HEPHL1: variants seen among roughly 807,000 people sequenced by gnomAD.
The protein encoded by HEPHL1 is ferroxidase HEPHL1.
A neutral mutation model predicts 122.0 loss-of-function variants in HEPHL1; 123 were observed. The observed-to-expected ratio is 1.01, with a 90% CI of 0.87 to 1.17. The LOEUF is 1.17. Ranked by LOEUF, HEPHL1 falls within the 50% of genes most tolerant of loss-of-function variation. The pLI is 0.00. For synonymous variants in HEPHL1, 527 were observed against 508.9 expected, an observed-to-expected ratio of 1.04 and a Z score of -0.48; for missense variants, 1,452 against 1,430.5, an observed-to-expected ratio of 1.01 and a Z score of -0.24.
chr11:94,093,971 GATATATATAT>G (rs201036709), intron 13 of HEPHL1, among the ~76,000 whole-genome samples: 1,381 of 72,780 alleles, frequency 0.019, 81 homozygotes, highest in African/African-American at 0.063. Flanking sequence ...TCCTCCAGCA[GATATATATAT>G]ATATATATAT....
At position 94,103,020 on chromosome 11, in the gene HEPHL1, G is replaced by A. The variant is rs767432686; in HGVS notation, c.2682G>A (p.Lys894=). ...ACTATTCAACAGTAAACTTTGTGAA[G>A]GTAAGGTGGAGAAAGCAACCAAAAG... The part of the protein sequence containing the change: ...WVYYSTVNFV[K]DTYSGLMGPL... Residue 894 remains lysine (K), a splice_region_variant and synonymous_variant, in exon 15 of 20, where the codon AAG becomes AAA. Transcript: ENST00000315765. The A allele has an allele frequency of 7.7e-6, 12 of 1,558,436 alleles. No homozygotes were observed. The East Asian group carries it at 2.2e-4, about 29-fold the overall frequency.
rs755266084 is a variant in HEPHL1 at position 94,085,996 on chromosome 11, T to C, written c.1887T>C (p.Tyr629=). Residue 629 remains tyrosine (Y), a synonymous_variant, in exon 11 of 20, where the codon TAT becomes TAC. Coordinates refer to ENST00000315765, the MANE Select transcript of HEPHL1 (RefSeq NM_001098672.2). ...NRMHAVNGYM[Y]GNQPGLNMCK... The stretch of plus-strand genomic sequence containing the variant: ...ATTTAGCTGTTAACGGCTACATGTA[T>C]GGCAACCAGCCAGGCTTAAACATGT... The C allele has an allele frequency of 2.5e-6, 4 of 1,613,916 alleles. No homozygotes were observed. Among genetic ancestry groups the C allele is most frequent in the Non-Finnish European group, 3.4e-6 (4 of 1,179,818 alleles).
intron 2 of HEPHL1, among the ~76,000 whole-genome samples, chr11:94,050,040 A>G (rs962439782): frequency 1.3e-5 from 2 of 152,154 alleles, no homozygotes; most frequent in African/African-American, 4.8e-5. Flanking sequence ...TTTAGTTTTT[A>G]GTATACAAGA....
At position 94,067,583 on chromosome 11, in the gene HEPHL1, A is replaced by G; in HGVS notation, c.896A>G (p.Asn299Ser). The change falls in exon 5 of 20, where the codon AAT becomes AGT. Residue 299 changes from asparagine to serine, a missense_variant. Transcript: ENST00000315765. ...SVSWHLFGMG[N>S]EIDIHSIYFY... The stretch of plus-strand genomic sequence containing the variant: ...TCCTGGCACCTATTTGGAATGGGGA[A>G]TGAAATAGACATCCATTCTATCTAT... 1.2e-6 allele frequency: 2 copies of G among 1,613,672 alleles called. No homozygotes were observed. Among genetic ancestry groups the G allele is most frequent in the Non-Finnish European group, 1.7e-6 (2 of 1,179,604 alleles).
At position 94,080,965 on chromosome 11, in the gene HEPHL1, C is replaced by T. The variant is rs545765127; in HGVS notation, c.1717-1453C>T. The stretch of plus-strand genomic sequence containing the variant: ...GGCATATACCAAAAGGAATATAAAT[C>T]ATTCTATCACAAAGATACATGCATG... On this transcript the variant is annotated intron_variant, in intron 9 of 19. Coordinates refer to ENST00000315765, the MANE Select transcript of HEPHL1 (RefSeq NM_001098672.2). 8.5e-5 allele frequency among the ~76,000 whole-genome samples: 13 copies of T among 152,302 alleles called. No homozygotes were observed. The South Asian group carries it at 2.7e-3, about 32-fold the overall frequency.
chr11:94,036,154 T>G (rs2134407977), intron 1 of HEPHL1, among the ~76,000 whole-genome samples: 1 of 152,360 alleles, frequency 6.6e-6, no homozygotes, highest in East Asian at 1.9e-4. Context: ...CAGTCATACA[T>G]GAGTAGAAAC....
rs776700423 is a variant in HEPHL1, at chr11:94,070,493, C to A, written c.1183C>A (p.Pro395Thr). Residue 395 changes from proline to threonine, a missense_variant, in exon 6 of 20, where the codon CCT becomes ACT. Coordinates refer to ENST00000315765, the MANE Select transcript of HEPHL1 (RefSeq NM_001098672.2). ...TGAAAAAATTCTTTGGGATTATGCT[C>A]CTCAAGGCTATAACAAATTCAGTGG... ...AAEKILWDYA[P>T]QGYNKFSGLP... 3 of 1,611,260 alleles carry A rather than the reference C, an allele frequency of 1.9e-6. No homozygotes were observed. Among genetic ancestry groups the A allele is most frequent in the Non-Finnish European group, 2.5e-6 (3 of 1,178,622 alleles).
chr11:94,062,053 A>T (rs1163676910), intron 2 of HEPHL1, among the ~76,000 whole-genome samples: 1 of 152,172 alleles, frequency 6.6e-6, no homozygotes, highest in East Asian at 1.9e-4. Flanking sequence ...CTAATTATGT[A>T]GCATATAGGT....
chr11:94,104,983 C>A (rs531896897), intron 16 of HEPHL1, among the ~76,000 whole-genome samples: 1 of 152,242 alleles, frequency 6.6e-6, no homozygotes, highest in East Asian at 1.9e-4. Flanking sequence ...ATTTCTGAAT[C>A]CTGGGATCTC....
chr11:94,096,863 T>C (rs923173369), intron 13 of HEPHL1, among the ~76,000 whole-genome samples: 4 of 152,228 alleles, frequency 2.6e-5, no homozygotes, highest in African/African-American at 9.6e-5. Flanking sequence ...TCAGTGATGA[T>C]ATCCCCTTTA....
At chr11:94,061,649 G>A (rs747061267) in intron 2 of HEPHL1, among the ~76,000 whole-genome samples, 2 of 152,018 alleles carry the variant, frequency 1.3e-5, no homozygotes, top group African/African-American at 2.4e-5. Flanking sequence ...GTGAGAAAGC[G>A]GCAAATACAT....
intron 1 of HEPHL1, among the ~76,000 whole-genome samples, chr11:94,034,921 G>T (rs1310512256): frequency 6.6e-6 from 1 of 152,174 alleles, no homozygotes; most frequent in Non-Finnish European, 1.5e-5. Flanking sequence ...AATCATGTGG[G>T]CAGGTATGAT....
chr11:94,111,804 G>C lies in HEPHL1; in HGVS notation c.3390G>C (p.Thr1130=), dbSNP rs118037969. Residue 1130 remains threonine, a synonymous_variant, in exon 20 of 20, where the codon ACG becomes ACC. Coordinates refer to ENST00000315765, the MANE Select transcript of HEPHL1 (RefSeq NM_001098672.2). Reference sequence around the variant, plus strand: ...TTGGACTCCTCCTTCTAATCACCACGGTGATTCTCTCCCTCAGACTCTGCT... The same window carrying C: ...TTGGACTCCTCCTTCTAATCACCACCGTGATTCTCTCCCTCAGACTCTGCT... ...FIIGLLLLIT[T]VILSLRLCSA... is the part of the protein sequence containing the mutation. 1 of 1,572,650 alleles carries C rather than the reference G, an allele frequency of 6.4e-7. No homozygotes were observed. Among genetic ancestry groups the C allele is most frequent in the Non-Finnish European group, 8.6e-7 (1 of 1,161,448 alleles).
intron 2 of HEPHL1, among the ~76,000 whole-genome samples, chr11:94,048,361 G>A (rs945966450): frequency 1.3e-5 from 2 of 151,950 alleles, no homozygotes; most frequent in Non-Finnish European, 2.9e-5. Flanking sequence ...AAATATGTAT[G>A]TGCATAATTT....
chr11:94,072,339 A>G (rs1184015649), intron 6 of HEPHL1, among the ~76,000 whole-genome samples: 11 of 152,126 alleles, frequency 7.2e-5, no homozygotes, highest in African/African-American at 2.7e-4. Flanking sequence ...AGGAAAAGAA[A>G]AGATGCACAA....
intron 11 of HEPHL1, among the ~76,000 whole-genome samples, 170 bp downstream of exon 11, chr11:94,086,359 G>A (rs537233721): frequency 1.3e-5 from 2 of 152,200 alleles, no homozygotes; most frequent in Non-Finnish European, 2.9e-5. Flanking sequence ...CAAACACATA[G>A]TATAAGGGAC....
At chr11:94,039,413 T>G (rs1235832949) in intron 1 of HEPHL1, among the ~76,000 whole-genome samples, 1 of 151,944 alleles carries the variant, frequency 6.6e-6, no homozygotes, top group African/African-American at 2.4e-5. Context: ...ATCAACAGAA[T>G]ATACATTTTT....
chr11:94,056,000 C>A lies in HEPHL1; in HGVS notation c.416-7508C>A, dbSNP rs962041439. 14 of 866,120 alleles carry A rather than the reference C, an allele frequency of 1.6e-5. No individual in the cohort carries two copies. In the African/African-American group the frequency reaches 2.2e-4, roughly 14 times the overall value. The allele number at this position is 866,120 out of a possible 1,614,324, so 53.7% of individuals were successfully genotyped here. ...TTCCTTCTGCTGGACCCTTTCGCAGCCAGCTTCCATTCTCTGTTCTTTAAA... is the reference window on the plus strand; with the variant it reads ...TTCCTTCTGCTGGACCCTTTCGCAGACAGCTTCCATTCTCTGTTCTTTAAA... On this transcript the variant is annotated intron_variant, in intron 2 of 19. Transcript: ENST00000315765.
intron 3 of HEPHL1, 95 bp downstream of exon 3, chr11:94,063,815 C>T: frequency 5.0e-6 from 5 of 993,600 alleles, no homozygotes; most frequent in Non-Finnish European, 7.8e-6. Flanking sequence ...ACAGAATGTG[C>T]CTCTTCCAAA....
Sources: allele counts gnomAD v4.1 joint callset (sites outside exome capture counted in the v4.1 genomes callset), GRCh38; gene constraint gnomAD v4.1.1; transcripts MANE v1.5; gene names NCBI Gene and HGNC (gene_info 2026-07-23, HGNC 2026-07-21).